The following ZNF668 variants were observed in gnomAD, a reference collection of about 807,000 sequenced individuals.
ZNF668 encodes the protein zinc finger protein 668.
A neutral mutation model predicts 40.3 loss-of-function variants in ZNF668; 10 were observed. The ratio of observed to expected loss-of-function variants is 0.25; its 90% CI spans 0.15 to 0.42. The LOEUF is 0.42. ZNF668 is among the 10% of genes least tolerant of loss of function. ZNF668 has a pLI of 1.00. For synonymous variants in ZNF668, 428 were observed against 384.6 expected (o/e 1.11, Z -1.32); for missense variants, 749 against 904.6 (o/e 0.83, Z 2.21).
rs779991188 is a variant in ZNF668, at chr16:31,061,933, C to T, written c.995G>A (p.Gly332Asp). 1 of 1,613,560 alleles carries T rather than the reference C, an allele frequency of 6.2e-7. No individual in the cohort carries two copies. The highest frequency in any genetic ancestry group is 8.5e-7 in the Non-Finnish European group (1 of 1,179,820). ...TTGCAGGCACTTGAACGGCCGGTCG[C>T]CTGTGTGCACACGCCGGTGCATGGC... ...DLAMHRRVHT[G>D]DRPFKCLQCD... The change falls in exon 3 of 3, where the codon GGC becomes GAC. Residue 332 changes from glycine to aspartate, a missense_variant. Physicochemically the swap from Gly to Asp is moderately conservative, Grantham distance 94 (BLOSUM62 -1). This residue lies in a region of ZNF668 where 129 missense variants were observed against 231.2 expected (regional missense o/e 0.56). Transcript: ENST00000300849. The surrounding 1 kb of genome is among the most constrained non-coding windows in gnomAD (Gnocchi z 7.7).
Position 31,064,667 on chromosome 16 carries a change from C to T in ZNF668, c.-22-186G>A, listed in dbSNP as rs1284817975. 3.3e-6 allele frequency: 5 copies of T among 1,536,062 alleles called. No individual in the cohort carries two copies. The African/African-American group carries it at 6.8e-5, about 21-fold the overall frequency. On this transcript the variant is annotated intron_variant, in intron 1 of 2. Transcript: ENST00000300849. ...CTGCTCATTGAAGAAAGGAGTTGGA[C>T]CAAGTGTCCGCAGAGCCACTAAGAA...
At chr16:31,065,195 G>T in intron 1 of ZNF668, 1 of 927,982 alleles carries the variant, frequency 1.1e-6, no homozygotes, top group Non-Finnish European at 1.3e-6. Context: ...GCCTCTTTCT[G>T]AGTCATAACT....
Position 31,063,948 on chromosome 16 carries a change from G to A in ZNF668, c.512C>T (p.Ala171Val). The A allele has an allele frequency of 6.2e-7, 1 of 1,605,308 alleles. No individual in the cohort carries two copies. The highest frequency in any genetic ancestry group is 8.5e-7 in the Non-Finnish European group (1 of 1,176,342). Reference sequence around the variant, plus strand: ...GTCAGCAAAGCTCTTGCCGCAGTCGGCGCAGGCGTAAGGCCGCTCGCCTGT... The same window carrying A: ...GTCAGCAAAGCTCTTGCCGCAGTCGACGCAGGCGTAAGGCCGCTCGCCTGT... ...GHTGERPYAC[A>V]DCGKSFADPS... Residue 171 changes from alanine (A) to valine (V), a missense_variant, in exon 2 of 3, where the codon GCC becomes GTC. By Grantham distance (64) the Ala-to-Val change is moderately conservative (BLOSUM62 0). Coordinates refer to ENST00000300849, the MANE Select transcript of ZNF668 (RefSeq NM_024706.5).
At chr16:31,069,286 C>T (rs1383235576) in intron 1 of ZNF668, 1 of 152,136 alleles carries the variant, frequency 6.6e-6, no homozygotes, top group Non-Finnish European at 1.5e-5. Flanking sequence ...CACACACACA[C>T]ACACACACAC....
Position 31,064,351 on chromosome 16 carries a change from C to T in ZNF668, c.109G>A (p.Ala37Thr), listed in dbSNP as rs2143765793. ...CTKTFPNAPR[A>T]ARHAATHGPA... ...CCATGTGTGGCAGCGTGGCGCGCTG[C>T]CCTGGGCGCGTTTGGAAATGTCTTG... Residue 37 changes from alanine (A) to threonine (T), a missense_variant, in exon 2 of 3, where the codon GCA becomes ACA. By Grantham distance (58) the Ala-to-Thr change is moderately conservative. Transcript: ENST00000300849. The T allele has an allele frequency of 6.2e-7, 1 of 1,613,960 alleles. No homozygotes were observed. Among genetic ancestry groups the T allele is most frequent in the African/African-American group, 1.3e-5 (1 of 75,070 alleles).
Position 31,060,918 on chromosome 16 carries a change from T to C in ZNF668, c.*150A>G. 1 of 979,028 alleles carries C rather than the reference T, an allele frequency of 1.0e-6. No individual in the cohort carries two copies. Among genetic ancestry groups the C allele is most frequent in the Non-Finnish European group, 1.4e-6 (1 of 717,648 alleles). 60.6% of individuals were successfully genotyped at this position (979,028 alleles called of 1,614,324 possible). Reference sequence around the variant, plus strand: ...CGTCTCAGCTTCTGCCAGCCTCCACTGTCCCAGCTCTCTTAGCTGGCCGAC... The same window carrying C: ...CGTCTCAGCTTCTGCCAGCCTCCACCGTCCCAGCTCTCTTAGCTGGCCGAC... On this transcript the variant is annotated 3_prime_UTR_variant, in exon 3 of 3. Coordinates refer to ENST00000300849, the MANE Select transcript of ZNF668 (RefSeq NM_024706.5).
At chr16:31,062,320 C>A in intron 2 of ZNF668, 40 bp from the exon 3 acceptor site, 1 of 1,547,702 alleles carries the variant, frequency 6.5e-7, no homozygotes, top group Non-Finnish European at 8.7e-7. Flanking sequence ...GGCGACAGAC[C>A]CATAACGTGA....
At position 31,062,600 on chromosome 16, in the gene ZNF668, T is replaced by C. The variant is rs546859429; in HGVS notation, c.648-320A>G. The C allele has an allele frequency of 5.4e-5, 13 of 240,288 alleles. No homozygotes were observed. The East Asian group carries it at 1.3e-3, about 24-fold the overall frequency. 14.9% of individuals were successfully genotyped at this position (240,288 alleles called of 1,614,324 possible). A position where few individuals can be genotyped will look rare whatever the true frequency, so the allele number is the denominator to read the frequency against. The stretch of plus-strand genomic sequence containing the variant: ...TAACACGGTGAAACCCCGTCTCTAC[T>C]AAAACTATAAAAAATTAGCCAGGCG... On this transcript the variant is annotated intron_variant, in intron 2 of 2. Coordinates refer to ENST00000300849, the MANE Select transcript of ZNF668 (RefSeq NM_024706.5).
intron 1 of ZNF668, chr16:31,073,266 G>C (rs906334551): frequency 3.9e-5 from 6 of 152,408 alleles, no homozygotes; most frequent in African/African-American, 1.4e-4. Context: ...TTGCAAGATG[G>C]CGTTCTCTAG....
At chr16:31,062,903 T>G (rs910658872) in intron 2 of ZNF668, 2 of 150,504 alleles carry the variant, frequency 1.3e-5, no homozygotes, top group Non-Finnish European at 2.9e-5. Flanking sequence ...AAGACCAGTG[T>G]GACCAAAACG....
rs531526968 is a variant in ZNF668 at position 31,066,280 on chromosome 16, C to G, written c.-22-1799G>C. On this transcript the variant is annotated intron_variant, in intron 1 of 2. Transcript: ENST00000300849. ...CCTGCTTGTTCCAAATCTGACAAGT[C>G]CTTCACTGGAGCCCCACTTCCACCA... The G allele has an allele frequency of 4.1e-6, 4 of 985,472 alleles. No individual in the cohort carries two copies. The African/African-American group carries it at 7.0e-5, about 17-fold the overall frequency. 61.0% of individuals were successfully genotyped at this position (985,472 alleles called of 1,614,324 possible).
chr16:31,067,729 C>T (rs959555137), intron 1 of ZNF668, among the ~76,000 whole-genome samples: 23 of 152,132 alleles, frequency 1.5e-4, no homozygotes, highest in African/African-American at 5.1e-4. Flanking sequence ...AGGAATAAAT[C>T]GAGGTTCCAA....
At position 31,060,982 on chromosome 16, in the gene ZNF668, A is replaced by G; in HGVS notation, c.*86T>C. ...GCTGAGGGGTAGGGATCTGGAGTCTAAAGAGCAGAGCCAGGCAAAAGGAGG... is the reference window on the plus strand; with the variant it reads ...GCTGAGGGGTAGGGATCTGGAGTCTGAAGAGCAGAGCCAGGCAAAAGGAGG... On this transcript the variant is annotated 3_prime_UTR_variant, in exon 3 of 3. Transcript: ENST00000300849. 1 of 1,374,196 alleles carries G rather than the reference A, an allele frequency of 7.3e-7. No individual in the cohort carries two copies. Among genetic ancestry groups the G allele is most frequent in the African/African-American group, 1.5e-5 (1 of 67,502 alleles). 85.1% of individuals were successfully genotyped at this position (1,374,196 alleles called of 1,614,324 possible).
intron 1 of ZNF668, among the ~76,000 whole-genome samples, chr16:31,072,028 G>A (rs2057018643): frequency 6.6e-6 from 1 of 152,192 alleles, no homozygotes; most frequent in African/African-American, 2.4e-5. Flanking sequence ...CCCTGGTCCA[G>A]TAGGATTAGC....
chr16:31,063,787 C>T (rs1267568926), intron 2 of ZNF668, 26 bp downstream of exon 2: 3 of 1,519,172 alleles, frequency 2.0e-6, no homozygotes, highest in Non-Finnish European at 2.7e-6. Flanking sequence ...CCCCGGAAGG[C>T]GCCCTGCCCC....
Position 31,062,292 on chromosome 16 carries a change from T to C in ZNF668, c.648-12A>G. 2 of 1,581,688 alleles carry C rather than the reference T, an allele frequency of 1.3e-6. No individual in the cohort carries two copies. Among genetic ancestry groups the C allele is most frequent in the African/African-American group, 2.7e-5 (2 of 74,520 alleles). On this transcript the variant is annotated splice_polypyrimidine_tract_variant and intron_variant, in intron 2 of 2. Transcript: ENST00000300849. ...CGCCGGTGTGGGACCTGCGGGGGTGTGGAGGACTTGGCATGAAGGCGACAG... is the reference window on the plus strand; with the variant it reads ...CGCCGGTGTGGGACCTGCGGGGGTGCGGAGGACTTGGCATGAAGGCGACAG...
intron 1 of ZNF668, among the ~76,000 whole-genome samples, chr16:31,067,814 G>C (rs983144581): frequency 1.3e-5 from 2 of 152,108 alleles, no homozygotes; most frequent in Non-Finnish European, 2.9e-5. Context: ...TGTTTAATTT[G>C]CCTTAAGTTG....
intron 1 of ZNF668, among the ~76,000 whole-genome samples, chr16:31,067,987 T>C (rs1289010386): frequency 1.3e-5 from 2 of 151,842 alleles, no homozygotes. Flanking sequence ...TCTGCTTCCC[T>C]CTCAGAGGGC....
Position 31,061,526 on chromosome 16 carries a change from C to A in ZNF668, c.1402G>T (p.Gly468Cys). The A allele has an allele frequency of 6.2e-7, 1 of 1,612,012 alleles. No homozygotes were observed. The highest frequency in any genetic ancestry group is 8.5e-7 in the Non-Finnish European group (1 of 1,179,956). ...GLLGLPPESG[G>C]VMATQWQVVG... is the part of the protein sequence containing the mutation. ...ACCTGCCACTGTGTGGCCATCACAC[C>A]ACCTGACTCCGGGGGCAGCCCTAGC... The change falls in exon 3 of 3, where the codon GGT (glycine) becomes TGT (cysteine). Residue 468 changes from glycine (G) to cysteine (C), a missense_variant. By Grantham distance (159) the Gly-to-Cys change is radical (BLOSUM62 -3). Transcript: ENST00000300849. The surrounding 1 kb of genome is among the most constrained non-coding windows in gnomAD (Gnocchi z 7.7).
Sources: gnomAD v4.1 joint callset for allele counts (sites outside exome capture counted in the v4.1 genomes callset) on GRCh38, gnomAD v4.1.1 for gene constraint, gnomAD v4.1.1 regional missense constraint, Gnocchi (gnomAD v3.1) non-coding constraint, MANE v1.5 for transcripts, NCBI Gene and HGNC (gene_info 2026-07-23, HGNC 2026-07-21) for gene names.